Variants in HMG20A observed in about 807,000 individuals in gnomAD.
HMG20A encodes high mobility group protein 20A.
Under a neutral mutation model 43.9 loss-of-function variants are expected in HMG20A, and 17 were observed. That is an observed-to-expected ratio of 0.39 (90% CI 0.27 to 0.58). HMG20A has a LOEUF of 0.58. Ranked by LOEUF, HMG20A falls within the 20% of genes least tolerant of loss-of-function variation. The probability of loss-of-function intolerance (pLI) is 0.59; values close to 1 mark genes in which losing one functional copy is unlikely to be tolerated. For synonymous variants in HMG20A, 132 were observed against 147.5 expected, an observed-to-expected ratio of 0.89 and a Z score of 0.76; for missense variants, 341 against 438.2, an observed-to-expected ratio of 0.78 and a Z score of 1.98.
At chr15:77,467,807 A>G (rs918741091) in intron 4 of HMG20A, among the ~76,000 whole-genome samples, 1 of 152,238 alleles carries the variant, frequency 6.6e-6, no homozygotes, top group Non-Finnish European at 1.5e-5. Context: ...TCTAAGACAG[A>G]AACTAACCTG....
the HMG20A span, among the ~76,000 whole-genome samples, chr15:77,509,081 C>T: frequency 1.3e-5 from 2 of 152,110 alleles, no homozygotes; most frequent in Non-Finnish European, 2.9e-5. Context: ...TTGGAGATGA[C>T]CACATCTATG....
intron 1 of HMG20A, among the ~76,000 whole-genome samples, chr15:77,432,200 C>T (rs1233279249): frequency 5.9e-5 from 9 of 151,944 alleles, no homozygotes; most frequent in East Asian, 3.9e-4. Context: ...CTAGAAATCA[C>T]GATGGCAATT....
At chr15:77,471,220 A>G (rs952224024) in intron 5 of HMG20A, among the ~76,000 whole-genome samples, 178 bp downstream of exon 5, 23 of 152,198 alleles carry the variant, frequency 1.5e-4, no homozygotes, top group African/African-American at 5.3e-4. Context: ...CTCATTTAGA[A>G]ATTTCAACTG....
At chr15:77,440,019 A>C (rs1293038334) in intron 1 of HMG20A, among the ~76,000 whole-genome samples, 5 of 152,196 alleles carry the variant, frequency 3.3e-5, no homozygotes, top group Admixed American at 1.3e-4. Context: ...CTTTTTTAAA[A>C]AAATGGGTCA....
rs181093751 is a variant in HMG20A at position 77,454,147 on chromosome 15, G to A, written c.-4-4257G>A. ...ACTGCACTCCAGCCTGGGTGACGGA[G>A]CAGGACCCTGTCTCTTAAAAAAAAA... is the stretch of plus-strand genomic sequence containing the variant. On this transcript the variant is annotated intron_variant, in intron 1 of 9. Coordinates refer to ENST00000336216, the MANE Select transcript of HMG20A (RefSeq NM_001304504.2). Among the ~76,000 whole-genome samples, 224 of 150,628 alleles carry A rather than the reference G, an allele frequency of 1.5e-3. 2 individuals are homozygous for A. The highest frequency in any genetic ancestry group is 5.3e-3 in the African/African-American group (217 of 40,966).
intron 6 of HMG20A, among the ~76,000 whole-genome samples, chr15:77,472,942 T>C (rs965764592): frequency 6.6e-6 from 1 of 152,196 alleles, no homozygotes; most frequent in Non-Finnish European, 1.5e-5. Context: ...TCATGATACC[T>C]TTGCCTTGAG....
At chr15:77,450,152 CAG>C (rs1329747152) in intron 1 of HMG20A, among the ~76,000 whole-genome samples, 1 of 151,828 alleles carries the variant, frequency 6.6e-6, no homozygotes, top group Non-Finnish European at 1.5e-5. Flanking sequence ...TTTTTTGAGA[CAG>C]AGTCTTGCTT....
intron 1 of HMG20A, among the ~76,000 whole-genome samples, chr15:77,431,736 A>G (rs2073487039): frequency 6.6e-6 from 1 of 152,234 alleles, no homozygotes; most frequent in Admixed American, 6.5e-5. Flanking sequence ...TACAATAGAT[A>G]TCTCAAACTT....
At chr15:77,504,143 T>G in the HMG20A span, among the ~76,000 whole-genome samples, 1 of 152,172 alleles carries the variant, frequency 6.6e-6, no homozygotes, top group South Asian at 2.1e-4. Flanking sequence ...GCCGAGGCCT[T>G]CTGGGGCAGG....
At chr15:77,476,591 A>G (rs149823441) in intron 6 of HMG20A, among the ~76,000 whole-genome samples, 1,697 of 150,426 alleles carry the variant, frequency 0.011, 41 homozygotes, top group African/African-American at 0.039. Flanking sequence ...TCTAGGTATT[A>G]TGTTTGCATG....
intron 1 of HMG20A, among the ~76,000 whole-genome samples, chr15:77,430,664 G>A (rs1190777771): frequency 6.6e-6 from 1 of 152,198 alleles, no homozygotes; most frequent in Non-Finnish European, 1.5e-5. Flanking sequence ...GAGATCTCCA[G>A]GTAGCTAGTT....
In HMG20A at chr15:77,458,053, A is replaced by T. The variant is rs374072482; in HGVS notation, c.-4-351A>T. ...TGAAATTGTAGCTCAAAGAGCTTAA[A>T]TAGCTTGCTCAGAGTGGCAGTGCTT... On this transcript the variant is annotated intron_variant, in intron 1 of 9. Transcript: ENST00000336216. 5.2e-4 allele frequency among the ~76,000 whole-genome samples: 79 copies of T among 152,338 alleles called. No individual in the cohort carries two copies. The South Asian group carries it at 8.9e-3, about 17-fold the overall frequency.
At chr15:77,495,658 A>G in the HMG20A span, among the ~76,000 whole-genome samples, 2 of 152,226 alleles carry the variant, frequency 1.3e-5, no homozygotes, top group Admixed American at 6.5e-5. Flanking sequence ...CTGGAAGAAT[A>G]TGCAGCACTC....
intron 1 of HMG20A, among the ~76,000 whole-genome samples, chr15:77,428,501 AAAG>A (rs1385091236): frequency 6.6e-6 from 1 of 152,282 alleles, no homozygotes; most frequent in Non-Finnish European, 1.5e-5. Flanking sequence ...TATCAGCAAA[AAAG>A]GAGAGATTCC....
At chr15:77,443,135 C>A (rs910380696) in intron 1 of HMG20A, among the ~76,000 whole-genome samples, 4 of 147,226 alleles carry the variant, frequency 2.7e-5, no homozygotes, top group African/African-American at 1.0e-4. Context: ...CAGGTTTAAG[C>A]GATTCTCCTT....
intron 1 of HMG20A, among the ~76,000 whole-genome samples, chr15:77,422,530 T>C: frequency 6.6e-6 from 1 of 152,062 alleles, no homozygotes; most frequent in East Asian, 1.9e-4. Flanking sequence ...GCAGGAGAAT[T>C]GCTTGAACCC....
At chr15:77,512,345 A>G in the HMG20A span, among the ~76,000 whole-genome samples, 7 of 152,162 alleles carry the variant, frequency 4.6e-5, no homozygotes. Flanking sequence ...TTGCACAACA[A>G]TGAGAATGTC....
intron 1 of HMG20A, among the ~76,000 whole-genome samples, chr15:77,440,844 G>A (rs1254541883): frequency 2.0e-5 from 3 of 152,138 alleles, no homozygotes; most frequent in Non-Finnish European, 4.4e-5. Flanking sequence ...TAGCCATAGT[G>A]ACTATCACAG....
At chr15:77,439,329 A>G (rs1469441395) in intron 1 of HMG20A, among the ~76,000 whole-genome samples, 2 of 152,098 alleles carry the variant, frequency 1.3e-5, no homozygotes, top group African/African-American at 4.8e-5. Flanking sequence ...AAATCAATGA[A>G]TTTTTACATA....
Sources: allele counts gnomAD v4.1 joint callset (sites outside exome capture counted in the v4.1 genomes callset), GRCh38; gene constraint gnomAD v4.1.1; transcripts MANE v1.5; gene names NCBI Gene and HGNC (gene_info 2026-07-23, HGNC 2026-07-21).